The following EEF1AKMT1 variants were observed in gnomAD, a reference collection of about 807,000 sequenced individuals.
EEF1AKMT1 encodes N-6 adenine-specific DNA methyltransferase 2 (putative).
In EEF1AKMT1, 18 loss-of-function variants were observed where a neutral mutation model predicts 21.0. The observed-to-expected ratio is 0.86, with a 90% CI of 0.59 to 1.27. The LOEUF (loss-of-function observed/expected upper bound fraction) is 1.27. Ranked by LOEUF, EEF1AKMT1 falls within the 50% of genes most tolerant of loss-of-function variation. EEF1AKMT1 has a pLI of 0.00. For synonymous variants in EEF1AKMT1, 109 were observed against 94.8 expected (o/e 1.15, Z -0.87); for missense variants, 246 against 258.6 (o/e 0.95, Z 0.33).
chr13:20,770,093 T>C (rs2059055407), intron 1 of EEF1AKMT1, among the ~76,000 whole-genome samples: 1 of 151,856 alleles, frequency 6.6e-6, no homozygotes, highest in Non-Finnish European at 1.5e-5. Flanking sequence ...TATAGGAAAA[T>C]GAAATAAATA....
intron 2 of EEF1AKMT1, among the ~76,000 whole-genome samples, chr13:20,743,070 TTA>T (rs1375746675): frequency 2.0e-5 from 3 of 152,284 alleles, no homozygotes; most frequent in African/African-American, 7.2e-5. Context: ...AATACTTTTA[TTA>T]TTTACTTTTA....
rs546238892 is a variant in EEF1AKMT1 at position 20,759,318 on chromosome 13, G to A, written c.-19-1701C>T. Among the ~76,000 whole-genome samples, 30 of 152,308 alleles carry A rather than the reference G, an allele frequency of 2.0e-4. No homozygotes were observed. The East Asian group carries it at 5.4e-3, about 27-fold the overall frequency. ...AAATCGGCCGGGCGCCGTGGCTCAC[G>A]CCTGTAATCGCAGCACTTTGGGAGA... On this transcript the variant is annotated intron_variant, in intron 1 of 4. Transcript: ENST00000382758.
chr13:20,731,781 C>A, intron 4 of EEF1AKMT1, 60 bp downstream of exon 4: 1 of 1,532,808 alleles, frequency 6.5e-7, no homozygotes, highest in Non-Finnish European at 8.8e-7. Context: ...TTTTCTTGAC[C>A]CTGAAGACCT....
rs182908942 is a variant in EEF1AKMT1, at chr13:20,745,426, T to A, written c.145-7621A>T. On this transcript the variant is annotated intron_variant, in intron 2 of 4. Coordinates refer to ENST00000382758, the MANE Select transcript of EEF1AKMT1 (RefSeq NM_001318939.2). ...CCCTTGTAAGTTGTATTCCTAGGTATTTTCTTCTCTTTGTAGCAACTGTGA... is the reference window on the plus strand; with the variant it reads ...CCCTTGTAAGTTGTATTCCTAGGTAATTTCTTCTCTTTGTAGCAACTGTGA... Among the ~76,000 whole-genome samples, 455 of 152,306 alleles carry A rather than the reference T, an allele frequency of 3.0e-3. 1 individual carries two copies. Among genetic ancestry groups the A allele is most frequent in the Non-Finnish European group, 2.8e-3 (190 of 68,034 alleles).
At chr13:20,745,994 A>T (rs1158386540) in intron 2 of EEF1AKMT1, among the ~76,000 whole-genome samples, 3 of 152,258 alleles carry the variant, frequency 2.0e-5, no homozygotes, top group African/African-American at 7.2e-5. Flanking sequence ...TTTACTGAAT[A>T]TAATGAAAAA....
chr13:20,738,781 G>C (rs1348450223), intron 2 of EEF1AKMT1, among the ~76,000 whole-genome samples: 1 of 152,256 alleles, frequency 6.6e-6, no homozygotes, highest in Non-Finnish European at 1.5e-5. Context: ...CGAGTAGCAA[G>C]TCTACAAAGA....
intron 1 of EEF1AKMT1, among the ~76,000 whole-genome samples, chr13:20,762,046 C>T (rs577724137): frequency 1.3e-5 from 2 of 152,210 alleles, no homozygotes; most frequent in African/African-American, 4.8e-5. Context: ...ATGCAGTGAG[C>T]CAAGATCATA....
intron 1 of EEF1AKMT1, among the ~76,000 whole-genome samples, chr13:20,768,036 A>G (rs969239360): frequency 2.6e-5 from 4 of 152,214 alleles, no homozygotes; most frequent in African/African-American, 4.8e-5. Context: ...TAGCTTTTTG[A>G]AAGTACAGGA....
intron 4 of EEF1AKMT1, 129 bp downstream of exon 4, chr13:20,731,712 G>A (rs1377389419): frequency 1.1e-6 from 1 of 931,036 alleles, no homozygotes; most frequent in Non-Finnish European, 1.6e-6. Flanking sequence ...AGGAATCCAG[G>A]GCACAAAGAG....
intron 2 of EEF1AKMT1, among the ~76,000 whole-genome samples, chr13:20,753,045 C>A (rs1051166485): frequency 7.2e-5 from 11 of 151,972 alleles, no homozygotes; most frequent in African/African-American, 2.7e-4. Context: ...TTATTTGAAA[C>A]CTTCCTACTT....
chr13:20,766,605 T>C (rs1039044542), intron 1 of EEF1AKMT1, among the ~76,000 whole-genome samples: 3 of 151,844 alleles, frequency 2.0e-5, no homozygotes, highest in Non-Finnish European at 2.9e-5. Flanking sequence ...GTGGATCACC[T>C]GAAGTCAGGA....
intron 4 of EEF1AKMT1, among the ~76,000 whole-genome samples, chr13:20,730,462 C>A (rs1252163918): frequency 2.0e-5 from 3 of 152,136 alleles, no homozygotes; most frequent in Non-Finnish European, 2.9e-5. Flanking sequence ...ACCACAGGTA[C>A]CCAGAAATAA....
intron 1 of EEF1AKMT1, among the ~76,000 whole-genome samples, chr13:20,763,539 G>A (rs1428806442): frequency 3.3e-5 from 5 of 151,382 alleles, no homozygotes; most frequent in Middle Eastern, 6.9e-3. Context: ...GGCAACCTCC[G>A]CCTCCTGGGT....
intron 4 of EEF1AKMT1, 58 bp from the exon 5 acceptor site, chr13:20,729,274 G>A (rs529413016): frequency 4.2e-5 from 67 of 1,604,092 alleles, no homozygotes; most frequent in East Asian, 2.0e-4. Flanking sequence ...AGCTCAGTGC[G>A]TCCTGAGCTG....
At chr13:20,771,332 A>G (rs1396354962) in intron 1 of EEF1AKMT1, among the ~76,000 whole-genome samples, 2 of 152,252 alleles carry the variant, frequency 1.3e-5, no homozygotes, top group Non-Finnish European at 2.9e-5. Context: ...GCAATTTAAT[A>G]AAATTGTCGC....
chr13:20,744,970 G>A (rs746489268), intron 2 of EEF1AKMT1, among the ~76,000 whole-genome samples: 7 of 152,128 alleles, frequency 4.6e-5, no homozygotes, highest in Non-Finnish European at 8.8e-5. Flanking sequence ...GTTTTTGTCA[G>A]GTTTGTCAAA....
At chr13:20,749,558 G>A (rs1320161780) in intron 2 of EEF1AKMT1, among the ~76,000 whole-genome samples, 6 of 152,074 alleles carry the variant, frequency 3.9e-5, no homozygotes, top group South Asian at 4.1e-4. Flanking sequence ...ATCCTCACAC[G>A]AGTAATAGTT....
rs564152396 is a variant in EEF1AKMT1, at chr13:20,729,097, G to A, written c.628C>T (p.Leu210=). 58 of 1,614,172 alleles carry A rather than the reference G, an allele frequency of 3.6e-5. 1 individual carries two copies. The South Asian group carries it at 5.9e-4, about 17-fold the overall frequency. The change falls in exon 5 of 5, where the codon CTG becomes TTG. Residue 210 remains leucine (L), a synonymous_variant. Coordinates refer to ENST00000382758, the MANE Select transcript of EEF1AKMT1 (RefSeq NM_001318939.2). ...FRCYVNYDSG[L]DCGI The stretch of plus-strand genomic sequence containing the variant: ...GTCTGTAATCAGATCCCACAGTCCA[G>A]CCCAGAATCATAATTCACATAACAG...
intron 1 of EEF1AKMT1, among the ~76,000 whole-genome samples, chr13:20,762,571 C>G (rs977724873): frequency 4.6e-5 from 7 of 152,054 alleles, no homozygotes; most frequent in African/African-American, 1.7e-4. Context: ...AGCATTCAAT[C>G]TTTCACCATT....
Sources: allele counts gnomAD v4.1 joint callset (sites outside exome capture counted in the v4.1 genomes callset), GRCh38; gene constraint gnomAD v4.1.1; transcripts MANE v1.5; gene names NCBI Gene and HGNC (gene_info 2026-07-23, HGNC 2026-07-21).